ZNF343: variants seen among roughly 807,000 people sequenced by gnomAD.
ZNF343 encodes the protein zinc finger protein 343.
A neutral mutation model predicts 13.8 loss-of-function variants in ZNF343; 11 were observed. That is an observed-to-expected ratio of 0.80 (90% CI 0.50 to 1.32). The LOEUF (loss-of-function observed/expected upper bound fraction) is 1.32. Among genes scored for constraint, ZNF343 ranks in the 40% most tolerant of loss-of-function variants. ZNF343 has a pLI of 0.00. For synonymous variants in ZNF343, 248 were observed against 260.0 expected, an observed-to-expected ratio of 0.95 and a Z score of 0.44; for missense variants, 658 against 714.2, an observed-to-expected ratio of 0.92 and a Z score of 0.90.
Position 2,484,524 on chromosome 20 carries a change from G to C in ZNF343, c.437C>G (p.Ser146Cys). Reference sequence around the variant, plus strand: ...CTGCTGTTTCCAATGCCCTGGGCTAGAATTCCCTGGATGGAAGTGATTTTC... The same window carrying C: ...CTGCTGTTTCCAATGCCCTGGGCTACAATTCCCTGGATGGAAGTGATTTTC... ...CAENHFHPGN[S>C]SPGHWKQQGQ... Residue 146 changes from serine (S) to cysteine (C), a missense_variant, in exon 6 of 6, where the codon TCT (serine) becomes TGT (cysteine). By Grantham distance (112) the Ser-to-Cys change is moderately radical. Coordinates refer to ENST00000278772, the MANE Select transcript of ZNF343 (RefSeq NM_024325.6). 6 of 1,614,226 alleles carry C rather than the reference G, an allele frequency of 3.7e-6. No homozygotes were observed. Among genetic ancestry groups the C allele is most frequent in the Non-Finnish European group, 5.1e-6 (6 of 1,180,042 alleles).
chr20:2,484,151 A>C lies in ZNF343; in HGVS notation c.810T>G (p.Ile270Met), dbSNP rs2085240237. Residue 270 changes from isoleucine (I) to methionine (M), a missense_variant, in exon 6 of 6, where the codon ATT (isoleucine) becomes ATG (methionine). Transcript: ENST00000278772. Reference sequence around the variant, plus strand: ...TAAAGCTTCGCCCACAATCACTGCAAATGTAGGGCTTCTTCCCTAAGAGGG... The same window carrying C: ...TAAAGCTTCGCCCACAATCACTGCACATGTAGGGCTTCTTCCCTAAGAGGG... ...PRTLLGKKPY[I>M]CSDCGRSFKD... The C allele has an allele frequency of 6.2e-7, 1 of 1,614,086 alleles. No homozygotes were observed. Among genetic ancestry groups the C allele is most frequent in the African/African-American group, 1.3e-5 (1 of 74,928 alleles).
rs1215738101 is a variant in ZNF343, at chr20:2,518,516, T to C, written c.-347+5939A>G. Among the ~76,000 whole-genome samples, 1 of 152,188 alleles carries C rather than the reference T, an allele frequency of 6.6e-6. No individual in the cohort carries two copies. Among genetic ancestry groups the C allele is most frequent in the Non-Finnish European group, 1.5e-5 (1 of 68,024 alleles). On this transcript the variant is annotated intron_variant, in intron 1 of 6. Transcript: ENST00000358413. This position sits in a 1 kb window ranked among gnomAD's most constrained non-coding sequence, Gnocchi z 4.6. ...TTTTGTACTCCAAAGTACTCCAAAA[T>C]ACACAATAGTACTCACAAGTGCCAG... is the stretch of plus-strand genomic sequence containing the variant.
At chr20:2,504,523 C>T (rs891174525) in intron 1 of ZNF343, among the ~76,000 whole-genome samples, 2 of 152,164 alleles carry the variant, frequency 1.3e-5, no homozygotes, top group South Asian at 4.1e-4. Flanking sequence ...ACCCAATATC[C>T]CTGATGAACA....
In ZNF343 at chr20:2,483,734, A is replaced by AT. The variant is rs1217683102; in HGVS notation, c.1226dup (p.Tyr409Ter). The AT allele has an allele frequency of 6.2e-7, 1 of 1,613,898 alleles. No homozygotes were observed. Among genetic ancestry groups the AT allele is most frequent in the African/African-American group, 1.3e-5 (1 of 74,888 alleles). ...HQRIHSGEKP[Y>*]VCRECGRGFS... ...AGCCTCGCCCACACTCCCTGCAAAC[A>AT]TAAGGCTTCTCCCCTGAGTGTATCC... The change falls in exon 6 of 6, where the codon TAT (tyrosine) becomes TAAT (stop). Residue 409 changes from tyrosine (Y) to a stop codon, truncating the protein, a stop_gained and frameshift_variant. Transcript: ENST00000278772. LOFTEE classifies it low-confidence loss of function (END_TRUNC).
At chr20:2,501,009 G>A (rs1294761892) in intron 1 of ZNF343, among the ~76,000 whole-genome samples, 1 of 152,130 alleles carries the variant, frequency 6.6e-6, no homozygotes, top group Non-Finnish European at 1.5e-5. Flanking sequence ...AGCAGGGTGA[G>A]GCACTGCCTC....
upstream of ZNF343, among the ~76,000 whole-genome samples, chr20:2,512,392 A>G (rs2122750909): frequency 6.6e-6 from 1 of 152,318 alleles, no homozygotes; most frequent in Middle Eastern, 3.4e-3. Flanking sequence ...AGGTTGGAGG[A>G]CTCACTCTTC....
upstream of ZNF343, among the ~76,000 whole-genome samples, chr20:2,512,546 G>A (rs575625439): frequency 2.6e-4 from 39 of 152,246 alleles, no homozygotes; most frequent in Admixed American, 5.2e-4. Context: ...CAAGGATGCC[G>A]AGACCATTTA....
chr20:2,495,696 T>G (rs1435521792), intron 2 of ZNF343, among the ~76,000 whole-genome samples: 3 of 151,848 alleles, frequency 2.0e-5, no homozygotes, highest in Non-Finnish European at 4.4e-5. Context: ...TTTTTTTTTT[T>G]TTGAGACAGA....
At chr20:2,511,978 C>CTAT (rs1471731507), upstream of ZNF343, among the ~76,000 whole-genome samples, 1 of 151,324 alleles carries the variant, frequency 6.6e-6, no homozygotes, top group African/African-American at 2.5e-5. Context: ...AAAACTATCT[C>CTAT]TATTCACAGA....
At chr20:2,521,753 A>G (rs1416995906) in intron 1 of ZNF343, among the ~76,000 whole-genome samples, 1 of 152,144 alleles carries the variant, frequency 6.6e-6, no homozygotes, top group East Asian at 1.9e-4. Context: ...TAGCTTCTGA[A>G]ATGGAAGATG....
chr20:2,495,975 C>T (rs577407023), intron 2 of ZNF343, among the ~76,000 whole-genome samples: 75 of 152,202 alleles, frequency 4.9e-4, no homozygotes, highest in Non-Finnish European at 9.7e-4. Flanking sequence ...CCACCATGCC[C>T]GGCTACTAAA....
upstream of ZNF343, among the ~76,000 whole-genome samples, chr20:2,510,757 G>A (rs2085734441): frequency 6.6e-6 from 1 of 152,190 alleles, no homozygotes; most frequent in Admixed American, 6.5e-5. Context: ...AGTATTGCAA[G>A]GGAAGAAGGC....
rs2085701810 is a variant in ZNF343 at position 2,508,382 on chromosome 20, C to T, written c.-237+499G>A. Among the ~76,000 whole-genome samples, 2 of 151,916 alleles carry T rather than the reference C, an allele frequency of 1.3e-5. No homozygotes were observed. The highest frequency in any genetic ancestry group is 2.9e-5 in the Non-Finnish European group (2 of 67,986). On this transcript the variant is annotated intron_variant, in intron 1 of 5. Transcript: ENST00000278772. This position sits in a 1 kb window ranked among gnomAD's most constrained non-coding sequence, Gnocchi z 4.5. ...ACCACTCGGGACATATCCAGCCCCA[C>T]CCAAAAAACAGAAAAACTCGGTGAT...
Position 2,492,513 on chromosome 20 carries a change from CTGTA to C in ZNF343, c.304+182_304+185del, listed in dbSNP as rs147532408. 4.0e-3 allele frequency among the ~76,000 whole-genome samples: 614 copies of C among 152,246 alleles called. 8 individuals are homozygous for C. The highest frequency in any genetic ancestry group is 0.014 in the African/African-American group (589 of 41,540). On this transcript the variant is annotated intron_variant, in intron 5 of 5. Transcript: ENST00000278772. The stretch of plus-strand genomic sequence containing the variant: ...TTTAACATACCATATTATAATATCC[CTGTA>C]TATGAGGCTTTTTGTTTGTTGTCTG...
In ZNF343 at chr20:2,483,866, C is replaced by T; in HGVS notation, c.1095G>A (p.Lys365=). The T allele has an allele frequency of 6.2e-7, 1 of 1,613,522 alleles. No homozygotes were observed. Among genetic ancestry groups the T allele is most frequent in the Non-Finnish European group, 8.5e-7 (1 of 1,179,814 alleles). The change falls in exon 6 of 6, where the codon AAG becomes AAA. Residue 365 remains lysine (K), a synonymous_variant. Coordinates refer to ENST00000278772, the MANE Select transcript of ZNF343 (RefSeq NM_024325.6). ...CSECGRGFSE[K]SSFIRHQRTH... ...TCCTCTGGTGTCTGATGAAGGATGA[C>T]TTCTCGCTAAAGCCTCGCCCACACT...
At chr20:2,486,673 G>A (rs1211585327) in intron 5 of ZNF343, 6 of 152,084 alleles carry the variant, frequency 3.9e-5, no homozygotes, top group African/African-American at 9.7e-5. Flanking sequence ...GGCTGTGGCA[G>A]GAGAATTGCT....
chr20:2,502,525 T>C lies in ZNF343; in HGVS notation c.-236-1783A>G, dbSNP rs560675454. On this transcript the variant is annotated intron_variant, in intron 1 of 5. Coordinates refer to ENST00000278772, the MANE Select transcript of ZNF343 (RefSeq NM_024325.6). ...CACATAATTGTCAGATTCACCAAAG[T>C]TGAAATGAAGGAAAAAATGTTAAGG... Among the ~76,000 whole-genome samples, 756 of 151,898 alleles carry C rather than the reference T, an allele frequency of 5.0e-3. 10 individuals carry two copies. Among genetic ancestry groups the C allele is most frequent in the African/African-American group, 0.018 (727 of 41,432 alleles).
intron 1 of ZNF343, among the ~76,000 whole-genome samples, chr20:2,516,100 T>C (rs2122756792): frequency 6.6e-6 from 1 of 151,660 alleles, no homozygotes; most frequent in African/African-American, 2.4e-5. Context: ...GGTTGAGAAT[T>C]AGGGTGATGA....
chr20:2,483,546 C>T lies in ZNF343; in HGVS notation c.1415G>A (p.Arg472Gln), dbSNP rs748588301. ...GAGGAGTGATTTCCGACTAAAGCCT[C>T]GGCCACACTCACCACACACATAAGG... Reference protein sequence around the residue: ...EKPYVCGECGRGFSRKSLLLV... With the variant: ...EKPYVCGECGQGFSRKSLLLV... The change falls in exon 6 of 6, where the codon CGA (arginine) becomes CAA (glutamine). Residue 472 changes from arginine (R) to glutamine (Q), a missense_variant. Coordinates refer to ENST00000278772, the MANE Select transcript of ZNF343 (RefSeq NM_024325.6). 18 of 1,612,744 alleles carry T rather than the reference C, an allele frequency of 1.1e-5. No homozygotes were observed. The highest frequency in any genetic ancestry group is 1.7e-5 in the Admixed American group (1 of 59,774).
Sources: allele counts gnomAD v4.1 joint callset (sites outside exome capture counted in the v4.1 genomes callset), GRCh38; gene constraint gnomAD v4.1.1; non-coding constraint Gnocchi (gnomAD v3.1); transcripts MANE v1.5; gene names NCBI Gene and HGNC (gene_info 2026-07-23, HGNC 2026-07-21).